The following GNB1L variants were observed in gnomAD, a reference collection of about 807,000 sequenced individuals.
The protein encoded by GNB1L is G protein subunit beta 1 like, also known as guanine nucleotide-binding protein subunit beta-like protein 1.
Under a neutral mutation model 29.1 loss-of-function variants are expected in GNB1L, and 20 were observed. That is an observed-to-expected ratio of 0.69 (90% CI 0.48 to 1.00). GNB1L has a LOEUF of 1.00. Ranked by LOEUF, GNB1L falls within the 50% of genes least tolerant of loss-of-function variation. GNB1L has a pLI of 0.00. For missense variants in GNB1L, 421 were observed against 464.9 expected (o/e 0.91, Z 0.87); for synonymous variants, 193 against 206.5 (o/e 0.93, Z 0.56).
intron 7 of GNB1L, among the ~76,000 whole-genome samples, chr22:19,797,724 A>G (rs1937323057): frequency 6.6e-6 from 1 of 152,176 alleles, no homozygotes; most frequent in Non-Finnish European, 1.5e-5. Context: ...TCCTACCTCA[A>G]CACCAGCTTG....
At chr22:19,821,149 C>T in intron 3 of GNB1L, 79 bp downstream of exon 3, 1 of 1,435,120 alleles carries the variant, frequency 7.0e-7, no homozygotes, top group South Asian at 1.2e-5. Context: ...CACCCTCAAA[C>T]AAGCGCTGGG....
At chr22:19,821,768 T>C (rs1481339465) in intron 2 of GNB1L, among the ~76,000 whole-genome samples, 1 of 152,196 alleles carries the variant, frequency 6.6e-6, no homozygotes, top group Non-Finnish European at 1.5e-5. Context: ...CACTCTGGCC[T>C]CCAGGGCTTC....
At chr22:19,848,985 T>A in intron 2 of GNB1L, 2 of 985,452 alleles carry the variant, frequency 2.0e-6, no homozygotes, top group Non-Finnish European at 2.4e-6. Flanking sequence ...CACAGTGCAC[T>A]GGAGGTAGGC....
intron 2 of GNB1L, among the ~76,000 whole-genome samples, chr22:19,831,067 G>T (rs188967749): frequency 1.4e-4 from 22 of 152,240 alleles, no homozygotes; most frequent in Admixed American, 2.6e-4. Flanking sequence ...TTATTAACAT[G>T]GTTGTGGAAA....
At chr22:19,794,903 C>T (rs1937289430) in intron 7 of GNB1L, among the ~76,000 whole-genome samples, 1 of 152,114 alleles carries the variant, frequency 6.6e-6, no homozygotes, top group Non-Finnish European at 1.5e-5. Flanking sequence ...ATCACTTGAA[C>T]CTGGGAGGCG....
intron 2 of GNB1L, among the ~76,000 whole-genome samples, chr22:19,853,577 C>A (rs561288213): frequency 6.6e-6 from 1 of 152,332 alleles, no homozygotes; most frequent in African/African-American, 2.4e-5. Flanking sequence ...TCCCACATCT[C>A]CTATCTGCTG....
chr22:19,840,801 C>T (rs150887984), intron 2 of GNB1L, among the ~76,000 whole-genome samples: 1 of 151,322 alleles, frequency 6.6e-6, no homozygotes, highest in African/African-American at 2.4e-5. Context: ...AGAAGCGAAA[C>T]TCCGTCTCAA....
intron 2 of GNB1L, chr22:19,850,357 A>G: frequency 1.0e-6 from 1 of 986,256 alleles, no homozygotes; most frequent in Non-Finnish European, 1.2e-6. Context: ...TCATTTACAC[A>G]CTAGGGCTTA....
chr22:19,849,274 C>T (rs1938036399), intron 2 of GNB1L: 1 of 983,802 alleles, frequency 1.0e-6, no homozygotes, highest in Non-Finnish European at 1.2e-6. Flanking sequence ...ATAACTCACA[C>T]ATAAAACCAT....
intron 2 of GNB1L, 28 bp downstream of exon 2, chr22:19,854,415 G>C (rs1457522734): frequency 6.5e-6 from 1 of 152,674 alleles, no homozygotes; most frequent in Non-Finnish European, 1.5e-5. Context: ...GAGCTCACAA[G>C]GCCCACGGCA....
chr22:19,846,179 T>C (rs75763953), intron 2 of GNB1L: 12,237 of 153,578 alleles, frequency 0.08, 671 homozygotes, highest in Middle Eastern at 0.14. Flanking sequence ...TTGCTCATAT[T>C]ACATGTGCAT....
chr22:19,849,385 T>TTTG (rs1555903696), intron 2 of GNB1L: 477 of 761,694 alleles, frequency 6.3e-4, no homozygotes, highest in Middle Eastern at 1.3e-3. Context: ...TTTTTTTTTT[T>TTTG]GGGATGGAGT....
intron 4 of GNB1L, among the ~76,000 whole-genome samples, chr22:19,815,385 G>C (rs1937520296): frequency 6.6e-6 from 1 of 152,182 alleles, no homozygotes; most frequent in South Asian, 2.1e-4. Context: ...GGAGCACAAA[G>C]ACGTGCACAG....
chr22:19,799,150 G>C (rs1164631945), intron 7 of GNB1L, among the ~76,000 whole-genome samples: 2 of 152,356 alleles, frequency 1.3e-5, no homozygotes, highest in South Asian at 4.1e-4. Context: ...CCACTTCCCA[G>C]ACCAGGGCTG....
chr22:19,847,402 A>C (rs972874150), intron 2 of GNB1L: 1 of 985,298 alleles, frequency 1.0e-6, no homozygotes, highest in East Asian at 1.1e-4. Context: ...GCTGTTCAAA[A>C]AACAGTGACA....
At chr22:19,812,153 G>T in intron 5 of GNB1L, 132 bp downstream of exon 5, 1 of 940,488 alleles carries the variant, frequency 1.1e-6, no homozygotes, top group South Asian at 1.7e-5. Flanking sequence ...CATCAGCCCC[G>T]GCTGCTGAAG....
At chr22:19,848,001 C>T (rs1377192422) in intron 2 of GNB1L, 4 of 985,110 alleles carry the variant, frequency 4.1e-6, no homozygotes, top group Non-Finnish European at 4.8e-6. Flanking sequence ...CTAGCCTGTA[C>T]TAAATTTCCA....
intron 2 of GNB1L, chr22:19,850,161 C>T: frequency 1.0e-6 from 1 of 985,618 alleles, no homozygotes; most frequent in South Asian, 4.7e-5. Flanking sequence ...ACCTGGAATG[C>T]TCATGGCCAG....
At chr22:19,813,939 T>C (rs1367721240) in intron 4 of GNB1L, among the ~76,000 whole-genome samples, 1 of 152,096 alleles carries the variant, frequency 6.6e-6, no homozygotes, top group East Asian at 1.9e-4. Flanking sequence ...GAAGCTGCAG[T>C]GAGCCATGAT....
Sources: allele counts gnomAD v4.1 joint callset (sites outside exome capture counted in the v4.1 genomes callset), GRCh38; gene constraint gnomAD v4.1.1; transcripts MANE v1.5; gene names NCBI Gene and HGNC (gene_info 2026-07-23, HGNC 2026-07-21).